Variants in ZNF536 observed in about 807,000 individuals in gnomAD.
ZNF536 encodes the protein zinc finger protein 536.
Under a neutral mutation model 84.5 loss-of-function variants are expected in ZNF536, and 13 were observed. The observed-to-expected ratio is 0.15, with a 90% CI of 0.10 to 0.24. The LOEUF (loss-of-function observed/expected upper bound fraction) is 0.24, where lower values mean the gene tolerates loss of function less well. Among genes scored for constraint, ZNF536 ranks in the 10% least tolerant of loss-of-function variants. The probability of loss-of-function intolerance (pLI) is 1.00; values close to 1 mark genes in which losing one functional copy is unlikely to be tolerated. For synonymous variants in ZNF536, 811 were observed against 742.5 expected (o/e 1.09, Z -1.50); for missense variants, 1,536 against 1,747.5 (o/e 0.88, Z 2.16).
chr19:30,374,752 G>T (rs2048743462), intron 1 of ZNF536, among the ~76,000 whole-genome samples: 1 of 152,060 alleles, frequency 6.6e-6, no homozygotes, highest in South Asian at 2.1e-4. Flanking sequence ...CTCCAGAGAG[G>T]GCGAGTTTCA....
chr19:30,319,096 A>G (rs1054811711), intron 2 of ZNF536, among the ~76,000 whole-genome samples: 17 of 152,224 alleles, frequency 1.1e-4, no homozygotes, highest in Admixed American at 9.2e-4. Flanking sequence ...CAGATCGTAG[A>G]CAAATACACT....
chr19:30,266,436 G>A (rs1337799272), intron 1 of ZNF536, among the ~76,000 whole-genome samples: 2 of 152,174 alleles, frequency 1.3e-5, no homozygotes. Flanking sequence ...ATTCTTCCCT[G>A]TGGTTTGGAC....
At chr19:30,375,753 T>C (rs2048792895) in intron 1 of ZNF536, among the ~76,000 whole-genome samples, 1 of 152,244 alleles carries the variant, frequency 6.6e-6, no homozygotes, top group Non-Finnish European at 1.5e-5. Flanking sequence ...ACATGTTGTG[T>C]TCGTGTTTGC....
intron 1 of ZNF536, among the ~76,000 whole-genome samples, chr19:30,630,763 C>T (rs572536619): frequency 3.8e-4 from 58 of 152,298 alleles, no homozygotes; most frequent in African/African-American, 1.4e-3. Flanking sequence ...CAGAAACACC[C>T]ACCCAGGGCT....
Position 30,534,957 on chromosome 19 carries a change from C to T in ZNF536, c.2281C>T (p.Arg761Trp), listed in dbSNP as rs1330136972. Residue 761 changes from arginine (R) to tryptophan (W), a missense_variant, in exon 3 of 5, where the codon CGG (arginine) becomes TGG (tryptophan). By Grantham distance (101) the Arg-to-Trp change is moderately radical (BLOSUM62 -3). Coordinates refer to ENST00000355537, the MANE Select transcript of ZNF536 (RefSeq NM_014717.3). ...KDCPYCGKTFRTSHHLKVHLR... is the reference protein window; with the variant it reads ...KDCPYCGKTFWTSHHLKVHLR... ...CTGCCCGTACTGTGGGAAAACTTTC[C>T]GGACATCCCATCACCTTAAGGTGCA... The T allele has an allele frequency of 9.3e-6, 15 of 1,613,540 alleles. No homozygotes were observed. The highest frequency in any genetic ancestry group is 1.3e-5 in the African/African-American group (1 of 74,930).
intron 1 of ZNF536, among the ~76,000 whole-genome samples, chr19:30,584,377 T>A (rs2047025407): frequency 6.6e-6 from 1 of 152,194 alleles, no homozygotes; most frequent in Admixed American, 6.5e-5. Context: ...AGAAAGCTGT[T>A]AGTGAAGGTG....
chr19:30,576,925 C>T (rs114794805), intron 1 of ZNF536, among the ~76,000 whole-genome samples: 244 of 152,314 alleles, frequency 1.6e-3, no homozygotes, highest in African/African-American at 5.4e-3. Context: ...GGTTCACATG[C>T]TCCTCACAGT....
At chr19:30,630,044 A>C (rs2048833902) in intron 1 of ZNF536, among the ~76,000 whole-genome samples, 1 of 152,214 alleles carries the variant, frequency 6.6e-6, no homozygotes, top group African/African-American at 2.4e-5. Flanking sequence ...GTGAACTTAA[A>C]AAACAGCTAC....
intron 1 of ZNF536, among the ~76,000 whole-genome samples, chr19:30,282,301 A>G (rs1181162940): frequency 6.6e-6 from 1 of 152,232 alleles, no homozygotes; most frequent in Non-Finnish European, 1.5e-5. Flanking sequence ...AAGCCCACTA[A>G]TCTGTTGGAA....
In ZNF536 at chr19:30,443,728, C is replaced by G. The variant is rs776167057; in HGVS notation, c.166C>G (p.Pro56Ala). 6.2e-7 allele frequency: 1 copy of G among 1,613,244 alleles called. No individual in the cohort carries two copies. Among genetic ancestry groups the G allele is most frequent in the South Asian group, 1.1e-5 (1 of 90,892 alleles). Residue 56 changes from proline (P) to alanine (A), a missense_variant, in exon 2 of 5, where the codon CCC (proline) becomes GCC (alanine). By Grantham distance (27) the Pro-to-Ala change is conservative. Transcript: ENST00000355537. ...AFPELHPRPN[P>A]EEKPPASLEE... ...CCCCGAGCTCCATCCCCGGCCCAACCCCGAGGAGAAGCCCCCCGCATCCCT... is the reference window on the plus strand; with the variant it reads ...CCCCGAGCTCCATCCCCGGCCCAACGCCGAGGAGAAGCCCCCCGCATCCCT...
At chr19:30,665,816 A>C (rs2060242) in intron 1 of ZNF536, 65,235 of 152,324 alleles carry the variant, frequency 0.43, 14,885 homozygotes, top group African/African-American at 0.59. Context: ...GGGTTTGGGT[A>C]TTTGGGGGGC....
At chr19:30,329,840 G>C (rs77807798) in intron 2 of ZNF536, among the ~76,000 whole-genome samples, 1 of 152,106 alleles carries the variant, frequency 6.6e-6, no homozygotes, top group Non-Finnish European at 1.5e-5. Context: ...TACACTTGGT[G>C]GGGGGATACT....
chr19:30,323,564 A>G (rs1275190200), intron 2 of ZNF536, among the ~76,000 whole-genome samples: 1 of 152,226 alleles, frequency 6.6e-6, no homozygotes, highest in African/African-American at 2.4e-5. Flanking sequence ...AAAAATAAAC[A>G]TACTATCTCT....
intron 2 of ZNF536, among the ~76,000 whole-genome samples, chr19:30,334,193 C>G (rs2047306100): frequency 6.6e-6 from 1 of 152,212 alleles, no homozygotes; most frequent in Admixed American, 6.5e-5. Context: ...AGAACATTCT[C>G]TTTCCTGCAT....
chr19:30,304,840 G>A (rs529190740), intron 2 of ZNF536, among the ~76,000 whole-genome samples: 11 of 152,320 alleles, frequency 7.2e-5, no homozygotes, highest in Admixed American at 5.9e-4. Context: ...AATGATGGAC[G>A]GTGGACCAGC....
intron 1 of ZNF536, among the ~76,000 whole-genome samples, chr19:30,594,616 AC>A (rs2047388677): frequency 6.6e-6 from 1 of 151,988 alleles, no homozygotes; most frequent in Admixed American, 6.6e-5. Flanking sequence ...TCTGCAGGAC[AC>A]CCCCGTGGAG....
At chr19:30,593,598 G>A (rs1048558857) in intron 1 of ZNF536, among the ~76,000 whole-genome samples, 27 of 152,204 alleles carry the variant, frequency 1.8e-4, no homozygotes, top group Non-Finnish European at 2.9e-4. Context: ...AGTCTTTGGC[G>A]AGGCAGCCTT....
At chr19:30,481,757 TG>T (rs1404398836) in intron 2 of ZNF536, among the ~76,000 whole-genome samples, 1 of 152,152 alleles carries the variant, frequency 6.6e-6, no homozygotes, top group Non-Finnish European at 1.5e-5. Context: ...TTTCTGAAAT[TG>T]TGGTGCACCC....
chr19:30,571,881 A>G (rs1324880898), intron 1 of ZNF536, among the ~76,000 whole-genome samples: 3 of 152,196 alleles, frequency 2.0e-5, no homozygotes, highest in Non-Finnish European at 4.4e-5. Flanking sequence ...GTCACATTTG[A>G]TAGGGAGGTT....
Sources: gnomAD v4.1 joint callset for allele counts (sites outside exome capture counted in the v4.1 genomes callset) on GRCh38, gnomAD v4.1.1 for gene constraint, MANE v1.5 for transcripts, NCBI Gene and HGNC (gene_info 2026-07-23, HGNC 2026-07-21) for gene names.